Variants in PLEKHM1 observed in about 807,000 individuals in gnomAD.
PLEKHM1 encodes pleckstrin homology domain-containing family M member 1.
In PLEKHM1, 28 loss-of-function variants were observed where a neutral mutation model predicts 94.3. The observed-to-expected ratio is 0.30, with a 90% CI of 0.22 to 0.41. PLEKHM1 has a LOEUF of 0.41. PLEKHM1 is among the 10% of genes least tolerant of loss of function. The pLI is 1.00. For missense variants in PLEKHM1, 907 were observed against 1,358.6 expected (o/e 0.67, Z 5.22); for synonymous variants, 424 against 581.2 (o/e 0.73, Z 3.89).
Position 45,458,200 on chromosome 17 carries a change from C to G in PLEKHM1, c.1548G>C (p.Lys516Asn), listed in dbSNP as rs750626603. ...QAQAAPSQGH[K>N]SFRVVHRRQM... ...GTCTCCGGTGTACCACCCGGAAGCTCTTATGCCCCTGGGATGGGGCTGCCT... is the reference window on the plus strand; with the variant it reads ...GTCTCCGGTGTACCACCCGGAAGCTGTTATGCCCCTGGGATGGGGCTGCCT... Residue 516 changes from lysine (K) to asparagine (N), a missense_variant, in exon 6 of 12, where the codon AAG becomes AAC. Coordinates refer to ENST00000430334, the MANE Select transcript of PLEKHM1 (RefSeq NM_014798.3). The G allele has an allele frequency of 6.2e-7, 1 of 1,613,714 alleles. No homozygotes were observed. The highest frequency in any genetic ancestry group is 1.7e-5 in the Admixed American group (1 of 59,978).
intron 5 of PLEKHM1, among the ~76,000 whole-genome samples, chr17:45,459,103 G>C (rs1345011826): frequency 6.6e-6 from 1 of 151,976 alleles, no homozygotes; most frequent in Non-Finnish European, 1.5e-5. Context: ...CCTCCAGCCT[G>C]GTTGCAGCCT....
intron 5 of PLEKHM1, among the ~76,000 whole-genome samples, chr17:45,462,452 C>A (rs1163349119): frequency 6.6e-5 from 10 of 151,946 alleles, no homozygotes; most frequent in Non-Finnish European, 1.3e-4. Context: ...TGATCTCCAG[C>A]GCCTGGTGGG....
At chr17:45,439,765 C>T in intron 10 of PLEKHM1, 131 bp from the exon 11 acceptor site, 1 of 1,225,366 alleles carries the variant, frequency 8.2e-7, no homozygotes, top group East Asian at 2.4e-5. Flanking sequence ...AACTTCTACC[C>T]CCCGTTTCCA....
At chr17:45,438,029 C>A (rs879632293) in intron 11 of PLEKHM1, 60 bp from the exon 12 acceptor site, 540 of 1,293,028 alleles carry the variant, frequency 4.2e-4, no homozygotes, top group Non-Finnish European at 5.6e-4. Flanking sequence ...CCTGTGGCCA[C>A]GCTGGCCAGC....
At chr17:45,478,171 A>C (rs374834070) in intron 2 of PLEKHM1, 24 bp from the exon 3 acceptor site, 2 of 1,614,016 alleles carry the variant, frequency 1.2e-6, no homozygotes, top group Non-Finnish European at 1.7e-6. Flanking sequence ...CACAGAACAC[A>C]GGCCTTTAGC....
rs2050269501 is a variant in PLEKHM1 at position 45,436,755 on chromosome 17, C to T, written c.*1103G>A. 2.2e-6 allele frequency: 1 copy of T among 454,048 alleles called. No individual in the cohort carries two copies. Among genetic ancestry groups the T allele is most frequent in the Non-Finnish European group, 4.4e-6 (1 of 226,812 alleles). The allele number at this position is 454,048 out of a possible 1,614,324, so 28.1% of individuals were successfully genotyped here. ...TCCCGGCTGGGCAAGTTCAGTGATG[C>T]TTTGGGAATTCATGGCTTTGTGAGG... On this transcript the variant is annotated 3_prime_UTR_variant, in exon 12 of 12. Transcript: ENST00000430334.
rs896029777 is a variant in PLEKHM1, at chr17:45,445,099, A to G, written c.2837+371T>C. On this transcript the variant is annotated intron_variant, in intron 9 of 11. Coordinates refer to ENST00000430334, the MANE Select transcript of PLEKHM1 (RefSeq NM_014798.3). The surrounding 1 kb of genome is among the most constrained non-coding windows in gnomAD (Gnocchi z 4.2). ...CCTCGCCAGGTGTGCAGTGCTTAGTATGTTCTCAGTCCATGTTTTTGAGTG... is the reference window on the plus strand; with the variant it reads ...CCTCGCCAGGTGTGCAGTGCTTAGTGTGTTCTCAGTCCATGTTTTTGAGTG... 3.9e-5 allele frequency among the ~76,000 whole-genome samples: 6 copies of G among 152,212 alleles called. No homozygotes were observed. Among genetic ancestry groups the G allele is most frequent in the African/African-American group, 9.6e-5 (4 of 41,458 alleles).
At chr17:45,439,039 A>G (rs1211438138) in intron 11 of PLEKHM1, among the ~76,000 whole-genome samples, 11 of 152,264 alleles carry the variant, frequency 7.2e-5, no homozygotes. Flanking sequence ...AACTGGGAAC[A>G]AGAGTGATCA....
At chr17:45,442,906 G>A (rs62065374) in intron 9 of PLEKHM1, among the ~76,000 whole-genome samples, 18,207 of 151,956 alleles carry the variant, frequency 0.12, 1,517 homozygotes, top group Middle Eastern at 0.21. Context: ...TCTTGCTACC[G>A]GTCTCTTAGC....
chr17:45,469,024 C>G (rs570972241), intron 4 of PLEKHM1, among the ~76,000 whole-genome samples: 1 of 136,494 alleles, frequency 7.3e-6, no homozygotes, highest in African/African-American at 2.5e-5. Flanking sequence ...TGCCAGGACT[C>G]TGCCCTGGGG....
intron 2 of PLEKHM1, among the ~76,000 whole-genome samples, chr17:45,479,561 C>T (rs2051873738): frequency 6.6e-6 from 1 of 151,362 alleles, no homozygotes; most frequent in African/African-American, 2.4e-5. Flanking sequence ...TGGTGAGTGC[C>T]TGTAATCCCA....
At chr17:45,484,364 C>A (rs1467342953) in intron 1 of PLEKHM1, among the ~76,000 whole-genome samples, 1 of 152,182 alleles carries the variant, frequency 6.6e-6, no homozygotes. Context: ...GCTTCATCTA[C>A]GTTACATGAA....
At chr17:45,489,437 G>C (rs1302412033) in intron 1 of PLEKHM1, among the ~76,000 whole-genome samples, 3 of 152,196 alleles carry the variant, frequency 2.0e-5, no homozygotes, top group Admixed American at 6.5e-5. Flanking sequence ...ACACCAACCA[G>C]AAGGAAGTGA....
intron 5 of PLEKHM1, among the ~76,000 whole-genome samples, chr17:45,463,115 T>C (rs1236993482): frequency 6.6e-6 from 1 of 150,510 alleles, no homozygotes; most frequent in Non-Finnish European, 1.5e-5. Flanking sequence ...TATATGGACA[T>C]TCACTGGGGA....
intron 9 of PLEKHM1, among the ~76,000 whole-genome samples, chr17:45,442,119 C>A (rs1479406020): frequency 6.6e-6 from 1 of 152,268 alleles, no homozygotes; most frequent in Non-Finnish European, 1.5e-5. Flanking sequence ...ATGGCTTCCT[C>A]CCAAGGGCTG....
intron 6 of PLEKHM1, among the ~76,000 whole-genome samples, chr17:45,457,750 T>C (rs943663774): frequency 1.3e-5 from 2 of 151,782 alleles, no homozygotes; most frequent in Admixed American, 6.6e-5. Context: ...ACAAAACAAA[T>C]AGCAGATTTG....
intron 2 of PLEKHM1, among the ~76,000 whole-genome samples, chr17:45,479,037 T>C (rs1198365926): frequency 3.2e-4 from 38 of 118,214 alleles, no homozygotes; most frequent in South Asian, 1.4e-3. Context: ...TTTTTTTTTT[T>C]GGGAAGTGGT....
chr17:45,455,687 C>T (rs2050923969), intron 6 of PLEKHM1, among the ~76,000 whole-genome samples: 1 of 152,198 alleles, frequency 6.6e-6, no homozygotes, highest in South Asian at 2.1e-4. Context: ...CTGCCTTCCA[C>T]ACATCCGGAA....
chr17:45,446,860 G>C (rs1197448042), intron 8 of PLEKHM1, among the ~76,000 whole-genome samples: 1 of 152,130 alleles, frequency 6.6e-6, no homozygotes, highest in Non-Finnish European at 1.5e-5. Context: ...ATGAATTGGT[G>C]AAACTTATCC....
Sources: allele counts gnomAD v4.1 joint callset (sites outside exome capture counted in the v4.1 genomes callset), GRCh38; gene constraint gnomAD v4.1.1; non-coding constraint Gnocchi (gnomAD v3.1); transcripts MANE v1.5; gene names NCBI Gene and HGNC (gene_info 2026-07-23, HGNC 2026-07-21).